Variants in SOX5 observed in about 807,000 individuals in gnomAD.
SOX5 encodes the protein transcription factor SOX-5.
In SOX5, 9 loss-of-function variants were observed where a neutral mutation model predicts 92.0. That is an observed-to-expected ratio of 0.10 (90% CI 0.06 to 0.17). SOX5 has a LOEUF of 0.17. SOX5 is among the 10% of genes least tolerant of loss of function. The probability of loss-of-function intolerance (pLI) is 1.00; values close to 1 mark genes in which losing one functional copy is unlikely to be tolerated. For synonymous variants in SOX5, 344 were observed against 336.3 expected (o/e 1.02, Z -0.25); for missense variants, 642 against 944.5 (o/e 0.68, Z 4.20).
At chr12:24,009,428 C>CTA (rs35955982) in intron 4 of SOX5, among the ~76,000 whole-genome samples, 69,963 of 151,684 alleles carry the variant, frequency 0.46, 16,503 homozygotes, top group Middle Eastern at 0.58. Context: ...TATTTGCATC[C>CTA]TATATTTTCA....
At chr12:24,351,234 TA>T (rs976862900) in intron 2 of SOX5, among the ~76,000 whole-genome samples, 3 of 152,156 alleles carry the variant, frequency 2.0e-5, no homozygotes, top group African/African-American at 7.2e-5. Flanking sequence ...AATTAAAATT[TA>T]AAAAAACTAT....
intron 6 of SOX5, among the ~76,000 whole-genome samples, chr12:23,709,106 T>C (rs924272802): frequency 2.0e-5 from 3 of 152,140 alleles, no homozygotes; most frequent in Non-Finnish European, 2.9e-5. Flanking sequence ...TTTTAAATTT[T>C]ATTTATTTAT....
intron 4 of SOX5, among the ~76,000 whole-genome samples, chr12:24,090,748 T>C (rs1379308038): frequency 6.6e-6 from 1 of 152,202 alleles, no homozygotes; most frequent in Non-Finnish European, 1.5e-5. Flanking sequence ...GGGTAATTGA[T>C]GACACAATGT....
intron 3 of SOX5, among the ~76,000 whole-genome samples, chr12:23,815,741 G>A (rs181657490): frequency 3.5e-4 from 54 of 152,210 alleles, no homozygotes; most frequent in Non-Finnish European, 5.3e-4. Context: ...GGTTCTGGTC[G>A]GAGATAGCTT....
chr12:23,679,595 G>T (rs2086257761), intron 6 of SOX5, among the ~76,000 whole-genome samples: 1 of 152,008 alleles, frequency 6.6e-6, no homozygotes, highest in African/African-American at 2.4e-5. Flanking sequence ...ACCTAACTTA[G>T]GTCTGGAGTT....
At chr12:24,297,352 T>C (rs1947386470) in intron 2 of SOX5, among the ~76,000 whole-genome samples, 1 of 152,174 alleles carries the variant, frequency 6.6e-6, no homozygotes, top group Non-Finnish European at 1.5e-5. Flanking sequence ...CATTCTCAGA[T>C]TTTTTTCTTT....
intron 3 of SOX5, among the ~76,000 whole-genome samples, chr12:24,241,935 T>G (rs1965634317): frequency 6.6e-6 from 1 of 152,154 alleles, no homozygotes; most frequent in Non-Finnish European, 1.5e-5. Context: ...TTAAGTGAAT[T>G]TAGGCACTTA....
In SOX5 at chr12:23,594,541, C is replaced by T. The variant is rs538053795; in HGVS notation, c.1164+9846G>A. Among the ~76,000 whole-genome samples the T allele has an allele frequency of 2.1e-3, 312 of 152,062 alleles. 1 individual carries two copies. Among genetic ancestry groups the T allele is most frequent in the African/African-American group, 6.8e-3 (283 of 41,478 alleles). On this transcript the variant is annotated intron_variant, in intron 9 of 14. Coordinates refer to ENST00000451604, the MANE Select transcript of SOX5 (RefSeq NM_006940.6). ...ATATTAATTAATTAATTAATTGGCA[C>T]AGGAGATAAAAAAATTCCTTTGCTA...
chr12:24,152,160 T>C (rs1014043265), intron 4 of SOX5, among the ~76,000 whole-genome samples: 1 of 152,170 alleles, frequency 6.6e-6, no homozygotes, highest in African/African-American at 2.4e-5. Flanking sequence ...ATTACTATCC[T>C]ATGTTTTTAA....
chr12:24,534,867 C>A (rs1237620266), intron 1 of SOX5, among the ~76,000 whole-genome samples: 2 of 152,176 alleles, frequency 1.3e-5, no homozygotes, highest in African/African-American at 4.8e-5. Flanking sequence ...AGAGGGGATG[C>A]GAGGGCTGGC....
chr12:23,860,765 A>G (rs113388639), intron 2 of SOX5, among the ~76,000 whole-genome samples: 16 of 152,270 alleles, frequency 1.1e-4, no homozygotes, highest in African/African-American at 3.1e-4. Context: ...AATGCACTTC[A>G]GGTCATAAGC....
At chr12:23,903,310 G>C (rs1384105371) in intron 1 of SOX5, among the ~76,000 whole-genome samples, 2 of 152,190 alleles carry the variant, frequency 1.3e-5, no homozygotes, top group East Asian at 1.9e-4. Context: ...AGAGGGCTTG[G>C]TGTGGTTGCT....
intron 9 of SOX5, among the ~76,000 whole-genome samples, chr12:23,582,753 G>A (rs915917817): frequency 6.6e-6 from 1 of 152,028 alleles, no homozygotes; most frequent in African/African-American, 2.4e-5. Context: ...TTCCTTATTT[G>A]CCATTTTACA....
chr12:23,745,392 A>G (rs1440394076), intron 4 of SOX5, among the ~76,000 whole-genome samples: 1 of 152,154 alleles, frequency 6.6e-6, no homozygotes, highest in Non-Finnish European at 1.5e-5. Context: ...ACTTTCCTAG[A>G]TAACAAAGTC....
intron 4 of SOX5, among the ~76,000 whole-genome samples, chr12:24,083,778 A>G (rs896053617): frequency 2.0e-5 from 3 of 152,042 alleles, no homozygotes; most frequent in African/African-American, 4.8e-5. Flanking sequence ...GGAAACAGTA[A>G]TATGTCTGGA....
At chr12:23,956,899 G>A (rs1247309957) in intron 4 of SOX5, among the ~76,000 whole-genome samples, 1 of 152,070 alleles carries the variant, frequency 6.6e-6, no homozygotes, top group Non-Finnish European at 1.5e-5. Context: ...CCTGACCTCA[G>A]GTGATCTGCC....
intron 2 of SOX5, among the ~76,000 whole-genome samples, chr12:23,862,187 G>A (rs2096763717): frequency 6.6e-6 from 1 of 152,120 alleles, no homozygotes; most frequent in African/African-American, 2.4e-5. Flanking sequence ...ACATGCAAAT[G>A]ACATAATATG....
chr12:23,534,194 G>C lies in SOX5; in HGVS notation c.*25C>G. The C allele has an allele frequency of 6.2e-7, 1 of 1,603,706 alleles. No homozygotes were observed. The highest frequency in any genetic ancestry group is 1.1e-5 in the South Asian group (1 of 89,752). ...CAGTTAGGGCTTCTTTAAGTCCTAAGGTCACAACAATCTTTTGACCCTTAT... is the reference window on the plus strand; with the variant it reads ...CAGTTAGGGCTTCTTTAAGTCCTAACGTCACAACAATCTTTTGACCCTTAT... On this transcript the variant is annotated 3_prime_UTR_variant, in exon 15 of 15. Coordinates refer to ENST00000451604, the MANE Select transcript of SOX5 (RefSeq NM_006940.6).
intron 3 of SOX5, among the ~76,000 whole-genome samples, chr12:23,802,198 C>T (rs968482615): frequency 5.9e-5 from 9 of 151,882 alleles, no homozygotes; most frequent in Non-Finnish European, 1.2e-4. Context: ...CTCAGCCTCC[C>T]GAGTAGCTGG....
Sources: gnomAD v4.1 joint callset for allele counts (sites outside exome capture counted in the v4.1 genomes callset) on GRCh38, gnomAD v4.1.1 for gene constraint, MANE v1.5 for transcripts, NCBI Gene and HGNC (gene_info 2026-07-23, HGNC 2026-07-21) for gene names.